UPK1A: variants seen among roughly 807,000 people sequenced by gnomAD.
UPK1A encodes the protein uroplakin-1a.
A neutral mutation model predicts 32.3 loss-of-function variants in UPK1A; 31 were observed. That is an observed-to-expected ratio of 0.96 (90% CI 0.72 to 1.30). The LOEUF (loss-of-function observed/expected upper bound fraction) is 1.30, where lower values mean the gene tolerates loss of function less well. UPK1A is among the 50% of genes most tolerant of loss of function. The pLI is 0.00. For synonymous variants in UPK1A, 135 were observed against 137.1 expected (o/e 0.98, Z 0.11); for missense variants, 340 against 357.4 (o/e 0.95, Z 0.39).
rs757651035 is a variant in UPK1A, at chr19:35,675,972, A to C, written c.601A>C (p.Asn201His). The stretch of plus-strand genomic sequence containing the variant: ...CCGGACGGGAAACTTCATCCCCCTC[A>C]ACGAGGAGGGCTGCCGCCTGGGGCA... The change falls in exon 6 of 8, where the codon AAC becomes CAC. Residue 201 changes from asparagine to histidine, a missense_variant. Coordinates refer to ENST00000617999, the Ensembl canonical transcript of UPK1A. The C allele has an allele frequency of 1.6e-5, 26 of 1,613,746 alleles. No homozygotes were observed. In the African/African-American group the frequency reaches 3.3e-4, roughly 21 times the overall value.
At chr19:35,677,843 A>G (rs751561584) in exon 7 of UPK1A, 1 of 1,611,982 alleles carries the variant, frequency 6.2e-7, no homozygotes, top group South Asian at 1.1e-5. Context: ...CACGCCATCG[A>G]CAGCTACACG....
At chr19:35,675,372 C>T (rs111770198) in intron 5 of UPK1A, among the ~76,000 whole-genome samples, 401 of 152,146 alleles carry the variant, frequency 2.6e-3, no homozygotes, top group Admixed American at 6.4e-3. Flanking sequence ...GTCGCCACCT[C>T]CCGGATTCAA....
At chr19:35,668,302 C>T (rs968146350) in intron 2 of UPK1A, 152 bp from the exon 3 acceptor site, 6 of 898,552 alleles carry the variant, frequency 6.7e-6, no homozygotes, top group East Asian at 5.3e-5. Context: ...CCTCTGCTCA[C>T]CCTCATCGCT....
At chr19:35,669,091 C>G (rs1968046841) in intron 3 of UPK1A, among the ~76,000 whole-genome samples, 1 of 152,060 alleles carries the variant, frequency 6.6e-6, no homozygotes, top group African/African-American at 2.4e-5. Flanking sequence ...TTACTACAAG[C>G]CACGAGCTGT....
At chr19:35,678,155 A>T in exon 8 of UPK1A, 1 of 1,161,844 alleles carries the variant, frequency 8.6e-7, no homozygotes, top group Non-Finnish European at 1.2e-6. Flanking sequence ...CACTTCCAAG[A>T]TCTTTTTCCA....
At chr19:35,673,254 T>C in exon 4 of UPK1A, 1 of 1,614,098 alleles carries the variant, frequency 6.2e-7, no homozygotes, top group South Asian at 1.1e-5. Flanking sequence ...ATGCTCATCG[T>C]CTACATCTTC....
chr19:35,677,930 G>A (rs1197729392), intron 7 of UPK1A, 35 bp downstream of exon 7: 3 of 1,587,956 alleles, frequency 1.9e-6, no homozygotes, highest in South Asian at 2.3e-5. Flanking sequence ...TGGGTGGGCT[G>A]GGGGTGGGGG....
chr19:35,667,655 G>A (rs1394406857), intron 2 of UPK1A, among the ~76,000 whole-genome samples: 2 of 151,106 alleles, frequency 1.3e-5, no homozygotes, highest in Non-Finnish European at 2.9e-5. Context: ...TACCACACCC[G>A]GCTACTTTTT....
intron 5 of UPK1A, among the ~76,000 whole-genome samples, chr19:35,674,896 G>C (rs539272420): frequency 6.6e-5 from 10 of 152,030 alleles, no homozygotes; most frequent in Admixed American, 1.3e-4. Context: ...ACAAAAATTA[G>C]TCAGGTGTAG....
rs941781822 is a variant in UPK1A at position 35,676,037 on chromosome 19, G to A, written c.648+18G>A. 2.5e-6 allele frequency: 4 copies of A among 1,605,504 alleles called. No homozygotes were observed. In the South Asian group the frequency reaches 4.5e-5, roughly 18 times the overall value. On this transcript the variant is annotated intron_variant, in intron 6 of 7. Coordinates refer to ENST00000617999, the Ensembl canonical transcript of UPK1A. Reference sequence around the variant, plus strand: ...TCACCAAGGTGTGGCCGTCTGCCCTGCTCCATCTGTCTATCCATCTGTCTG... The same window carrying A: ...TCACCAAGGTGTGGCCGTCTGCCCTACTCCATCTGTCTATCCATCTGTCTG...
chr19:35,668,851 T>TC (rs1167345620), intron 3 of UPK1A, among the ~76,000 whole-genome samples, 197 bp downstream of exon 3: 1 of 150,456 alleles, frequency 6.6e-6, no homozygotes, highest in East Asian at 1.9e-4. Context: ...ATTTTTTCTT[T>TC]TTTTTTTTTT....
At position 35,677,319 on chromosome 19, in the gene UPK1A, A is replaced by G. The variant is rs78446828; in HGVS notation, c.649-493A>G. On this transcript the variant is annotated intron_variant, in intron 6 of 7. Coordinates refer to ENST00000617999, the Ensembl canonical transcript of UPK1A. The stretch of plus-strand genomic sequence containing the variant: ...GAGATGGGAGGATCACAAGATCAGG[A>G]GTTCGAGACCAGCCTGACCAACATG... 7.0e-3 allele frequency among the ~76,000 whole-genome samples: 1,062 copies of G among 151,768 alleles called. 44 individuals are homozygous for G. The South Asian group carries it at 0.098, about 14-fold the overall frequency.
rs1420914388 is a variant in UPK1A, at chr19:35,674,333, G to A, written c.468+788G>A. Among the ~76,000 whole-genome samples the A allele has an allele frequency of 2.2e-5, 3 of 135,218 alleles. No homozygotes were observed. The Admixed American group carries it at 2.5e-4, about 11-fold the overall frequency. 88.7% of individuals were successfully genotyped at this position (135,218 alleles called of 152,430 possible). A position where few individuals can be genotyped will look rare whatever the true frequency, so the allele number is the denominator to read the frequency against. On this transcript the variant is annotated intron_variant, in intron 5 of 7. Transcript: ENST00000617999. ...GCGATCTCGGCTCACTGCAAGCTCC[G>A]CCTCCCGGGTTCACGCTATTCTCCT...
intron 2 of UPK1A, among the ~76,000 whole-genome samples, chr19:35,667,563 G>A (rs975787327): frequency 5.3e-5 from 8 of 150,832 alleles, no homozygotes; most frequent in Non-Finnish European, 1.2e-4. Flanking sequence ...GCGAGATCTC[G>A]GCTCACTGCA....
At chr19:35,669,220 A>C (rs1396175978) in intron 3 of UPK1A, among the ~76,000 whole-genome samples, 1 of 152,120 alleles carries the variant, frequency 6.6e-6, no homozygotes, top group Non-Finnish European at 1.5e-5. Context: ...GAAGTCACTT[A>C]TCCAGGGTCA....
chr19:35,675,576 C>T (rs1054900815), intron 5 of UPK1A, among the ~76,000 whole-genome samples: 5 of 152,124 alleles, frequency 3.3e-5, no homozygotes, highest in Non-Finnish European at 7.3e-5. Context: ...ACACCGTGCC[C>T]GGCAAAAATA....
At chr19:35,673,524 C>G (rs767448820) in exon 5 of UPK1A, 1 of 1,613,536 alleles carries the variant, frequency 6.2e-7, no homozygotes, top group Admixed American at 1.7e-5. Context: ...TGACCCGCCT[C>G]TGGGACCGCG....
intron 3 of UPK1A, among the ~76,000 whole-genome samples, chr19:35,670,108 G>A (rs1339216030): frequency 6.6e-6 from 1 of 152,210 alleles, no homozygotes; most frequent in Admixed American, 6.5e-5. Context: ...GGCACTGGGA[G>A]CGAGGCAGGT....
intron 3 of UPK1A, among the ~76,000 whole-genome samples, chr19:35,669,713 G>A (rs1328496035): frequency 6.6e-6 from 1 of 152,032 alleles, no homozygotes; most frequent in Admixed American, 6.6e-5. Context: ...CTTGCCAGAA[G>A]CCCTTCACAG....
Sources: allele counts gnomAD v4.1 joint callset (sites outside exome capture counted in the v4.1 genomes callset), GRCh38; gene constraint gnomAD v4.1.1; transcripts MANE v1.5; gene names NCBI Gene and HGNC (gene_info 2026-07-23, HGNC 2026-07-21).